The following BCAN variants were observed in gnomAD, a reference collection of about 807,000 sequenced individuals.
BCAN encodes the protein brevican core protein.
BCAN carries 51 observed loss-of-function variants against 92.4 expected under a neutral mutation model. That is an observed-to-expected ratio of 0.55 (90% CI 0.44 to 0.70). BCAN has a LOEUF of 0.70. Ranked by LOEUF, BCAN falls within the 30% of genes least tolerant of loss-of-function variation. The pLI is 0.00. For synonymous variants in BCAN, 501 were observed against 505.2 expected (o/e 0.99, Z 0.11); for missense variants, 1,140 against 1,212.1 (o/e 0.94, Z 0.88).
chr1:156,658,613 G>A lies in BCAN; in HGVS notation c.2508G>A (p.Val836=). The stretch of plus-strand genomic sequence containing the variant: ...GCCGCCCACGGCTGCGCTATGAGGT[G>A]GACACTGTGCTTCGCTACCGGTGCC... The part of the protein sequence containing the change: ...VFGRPRLRYE[V]DTVLRYRCRE... The change falls in exon 13 of 14, where the codon GTG becomes GTA. Residue 836 remains valine (V), a synonymous_variant. Coordinates refer to ENST00000329117, the MANE Select transcript of BCAN (RefSeq NM_021948.5). This position sits in a 1 kb window ranked among gnomAD's most constrained non-coding sequence, Gnocchi z 4.4. 1 of 1,614,104 alleles carries A rather than the reference G, an allele frequency of 6.2e-7. No homozygotes were observed. Among genetic ancestry groups the A allele is most frequent in the Non-Finnish European group, 8.5e-7 (1 of 1,180,040 alleles).
chr1:156,646,784 G>A lies in BCAN; in HGVS notation c.92-17G>A, dbSNP rs1163922297. 5 of 1,534,476 alleles carry A rather than the reference G, an allele frequency of 3.3e-6. No individual in the cohort carries two copies. Among genetic ancestry groups the A allele is most frequent in the Non-Finnish European group, 4.4e-6 (5 of 1,139,654 alleles). On this transcript the variant is annotated splice_polypyrimidine_tract_variant and intron_variant, in intron 2 of 13. Coordinates refer to ENST00000329117, the MANE Select transcript of BCAN (RefSeq NM_021948.5). ...GGTCGACAGCGTTAAGTTCCAGCCG[G>A]CTCCACCCGTTCACAGAGGACCGCG...
At position 156,647,755 on chromosome 1, in the gene BCAN, G is replaced by A; in HGVS notation, c.641+73G>A. 6.4e-7 allele frequency: 1 copy of A among 1,557,552 alleles called. No homozygotes were observed. The highest frequency in any genetic ancestry group is 1.2e-5 in the South Asian group (1 of 84,896). On this transcript the variant is annotated intron_variant, in intron 4 of 13. Transcript: ENST00000329117. The surrounding 1 kb of genome is among the most constrained non-coding windows in gnomAD (Gnocchi z 4.8). ...CATGGCCCCCCTTCTGCTGGGTGCT[G>A]CCTGCTGTGTCAGGCTGGACATGCA... is the stretch of plus-strand genomic sequence containing the variant.
In BCAN at chr1:156,647,930, C is replaced by A; in HGVS notation, c.642-53C>A. The A allele has an allele frequency of 6.2e-7, 1 of 1,607,988 alleles. No homozygotes were observed. The highest frequency in any genetic ancestry group is 1.7e-4 in the Middle Eastern group (1 of 6,050). ...TGGGGTTCAATAGAATCAATATGGG[C>A]TGGCTCCCTGGTGAAAGCATCTGTA... On this transcript the variant is annotated intron_variant, in intron 4 of 13. Transcript: ENST00000329117. This position sits in a 1 kb window ranked among gnomAD's most constrained non-coding sequence, Gnocchi z 4.8.
chr1:156,644,936 G>A (rs1004277008), intron 1 of BCAN: 2 of 152,250 alleles, frequency 1.3e-5, no homozygotes, highest in Non-Finnish European at 2.9e-5. Context: ...AACCCTTAAA[G>A]ATGATGTAGC....
rs770501027 is a variant in BCAN, at chr1:156,647,699, G to A, written c.641+17G>A. 4 of 1,570,046 alleles carry A rather than the reference G, an allele frequency of 2.5e-6. No homozygotes were observed. Among genetic ancestry groups the A allele is most frequent in the Non-Finnish European group, 3.5e-6 (4 of 1,156,226 alleles). On this transcript the variant is annotated intron_variant, in intron 4 of 13. Coordinates refer to ENST00000329117, the MANE Select transcript of BCAN (RefSeq NM_021948.5). The surrounding 1 kb of genome is among the most constrained non-coding windows in gnomAD (Gnocchi z 4.8). ...GACCGTGAGGTGGGCAGGGGCTGTG[G>A]ATTGGGGCTTCTATTGGCCCCTGAG...
chr1:156,656,899 G>A (rs560989231), intron 9 of BCAN, 39 bp from the exon 10 acceptor site: 7 of 1,602,136 alleles, frequency 4.4e-6, no homozygotes, highest in Non-Finnish European at 6.0e-6. Context: ...GGCCCTCTGG[G>A]TTTTGGGGCC....
At chr1:156,657,217 C>A in intron 10 of BCAN, 121 bp downstream of exon 10, 1 of 1,262,768 alleles carries the variant, frequency 7.9e-7, no homozygotes. Flanking sequence ...GCGTGCATTC[C>A]CTCACTCATT....
In BCAN at chr1:156,647,083, G is replaced by A; in HGVS notation, c.374G>A (p.Ser125Asn). ...CTCACCGACGTCTCCCTGGCGCTGAGCGAGCTGCGCCCCAACGACTCAGGT... is the reference window on the plus strand; with the variant it reads ...CTCACCGACGTCTCCCTGGCGCTGAACGAGCTGCGCCCCAACGACTCAGGT... ...ASLTDVSLAL[S>N]ELRPNDSGIY... Residue 125 changes from serine (S) to asparagine (N), a missense_variant, in exon 3 of 14, where the codon AGC becomes AAC. Ser to Asn is a conservative substitution (Grantham distance 46). This residue lies in a region of BCAN where 286 missense variants were observed against 284.1 expected (regional missense o/e 1.01). Transcript: ENST00000329117. This position sits in a 1 kb window ranked among gnomAD's most constrained non-coding sequence, Gnocchi z 4.8. The A allele has an allele frequency of 6.2e-7, 1 of 1,609,400 alleles. No homozygotes were observed. The highest frequency in any genetic ancestry group is 8.5e-7 in the Non-Finnish European group (1 of 1,176,636).
At position 156,646,799 on chromosome 1, in the gene BCAN, A is replaced by G; in HGVS notation, c.92-2A>G. ...GTTCCAGCCGGCTCCACCCGTTCAC[A>G]GAGGACCGCGCTTTTCGCGTGCGCA... is the stretch of plus-strand genomic sequence containing the variant. On this transcript the variant is annotated splice_acceptor_variant, in intron 2 of 13. Coordinates refer to ENST00000329117, the MANE Select transcript of BCAN (RefSeq NM_021948.5). LOFTEE classifies it high-confidence loss of function. The G allele has an allele frequency of 6.4e-7, 1 of 1,551,904 alleles. No homozygotes were observed. Among genetic ancestry groups the G allele is most frequent in the Non-Finnish European group, 8.7e-7 (1 of 1,148,672 alleles).
intron 1 of BCAN, chr1:156,643,140 T>C (rs3795736): frequency 0.26 from 38,971 of 152,130 alleles, 5,630 homozygotes; most frequent in South Asian, 0.57. Context: ...TTACTTAGAT[T>C]GCAGATGATG....
chr1:156,646,456 G>T, intron 2 of BCAN: 1 of 496,348 alleles, frequency 2.0e-6, no homozygotes, highest in Non-Finnish European at 3.5e-6. Context: ...GGAGCAGACT[G>T]GGAAACTGGG....
In BCAN at chr1:156,652,590, G is replaced by A; in HGVS notation, c.1640G>A (p.Arg547Lys). 2 of 1,614,132 alleles carry A rather than the reference G, an allele frequency of 1.2e-6. No homozygotes were observed. The highest frequency in any genetic ancestry group is 1.7e-6 in the Non-Finnish European group (2 of 1,179,988). Reference sequence around the variant, plus strand: ...CCTACTGAGACTCTGCCCACTCCCAGGGAGAGGAACCTAGCATCCCCATCA... The same window carrying A: ...CCTACTGAGACTCTGCCCACTCCCAAGGAGAGGAACCTAGCATCCCCATCA... ...GPPTETLPTP[R>K]ERNLASPSPS... Residue 547 changes from arginine (R) to lysine (K), a missense_variant, in exon 8 of 14, where the codon AGG becomes AAG. Arg to Lys is a conservative substitution (Grantham distance 26, BLOSUM62 2). Coordinates refer to ENST00000329117, the MANE Select transcript of BCAN (RefSeq NM_021948.5).
At chr1:156,645,820 G>T (rs1417245085) in intron 1 of BCAN, among the ~76,000 whole-genome samples, 5 of 152,192 alleles carry the variant, frequency 3.3e-5, no homozygotes, top group Admixed American at 3.3e-4. Context: ...AAGGTAAGGA[G>T]CTTGGCTTAG....
chr1:156,645,949 C>T lies in BCAN; in HGVS notation c.-8-98C>T, dbSNP rs980325118. On this transcript the variant is annotated intron_variant, in intron 1 of 13. Coordinates refer to ENST00000329117, the MANE Select transcript of BCAN (RefSeq NM_021948.5). ...ATGTGAAGGTAGGGGACTTCTGGAG[C>T]CAGGATATGTGTGAACCCACATGGG... The T allele has an allele frequency of 2.5e-5, 24 of 971,702 alleles. No homozygotes were observed. The African/African-American group carries it at 3.8e-4, about 15-fold the overall frequency. The allele number at this position is 971,702 out of a possible 1,614,324, so 60.2% of individuals were successfully genotyped here.
In BCAN at chr1:156,657,722, G is replaced by A; in HGVS notation, c.2257G>A (p.Glu753Lys). The change falls in exon 11 of 14, where the codon GAA becomes AAA. Residue 753 changes from glutamate to lysine, a missense_variant. Around this residue, in one of 3 missense-constraint regions of BCAN, gnomAD observed 825 missense variants for 871.8 expected, o/e 0.95. Transcript: ENST00000329117. ...GATCGGACTCAACGACAGGACCATCGAAGGCGACTTCTTGTGGTCGGATGG... is the reference window on the plus strand; with the variant it reads ...GATCGGACTCAACGACAGGACCATCAAAGGCGACTTCTTGTGGTCGGATGG... ...QWIGLNDRTIEGDFLWSDGVP... is the reference protein window; with the variant it reads ...QWIGLNDRTIKGDFLWSDGVP... The A allele has an allele frequency of 6.2e-7, 1 of 1,612,578 alleles. No homozygotes were observed.
chr1:156,646,138 C>T lies in BCAN; in HGVS notation c.84C>T (p.Asp28=), dbSNP rs776608754. The T allele has an allele frequency of 2.5e-6, 4 of 1,613,584 alleles. No homozygotes were observed. The highest frequency in any genetic ancestry group is 3.4e-6 in the Non-Finnish European group (4 of 1,179,570). Residue 28 remains aspartate (D), a synonymous_variant, in exon 2 of 14, where the codon GAC becomes GAT. Transcript: ENST00000329117. The part of the protein sequence containing the change: ...PAALADVLEG[D]SSEDRAFRVR... Reference sequence around the variant, plus strand: ...CTTTAGCAGATGTTCTGGAAGGAGACAGCTCAGGTAAGCAACCCCACTTGG... The same window carrying T: ...CTTTAGCAGATGTTCTGGAAGGAGATAGCTCAGGTAAGCAACCCCACTTGG...
rs951963 is a variant in BCAN, at chr1:156,658,951, A to G, written c.2629-76A>G. 3.3e-3 allele frequency: 4,657 copies of G among 1,420,642 alleles called. 157 individuals are homozygous for G. The African/African-American group carries it at 0.059, about 18-fold the overall frequency. The allele number at this position is 1,420,642 out of a possible 1,614,324, so 88.0% of individuals were successfully genotyped here. A position where few individuals can be genotyped will look rare whatever the true frequency, so the allele number is the denominator to read the frequency against. On this transcript the variant is annotated intron_variant, in intron 13 of 13. Transcript: ENST00000329117. The surrounding 1 kb of genome is among the most constrained non-coding windows in gnomAD (Gnocchi z 4.4). ...CATTCTGGGCTCTTACGGGCTGAGC[A>G]AGAACATCAGAGGGCAGGCTCTGAG...
chr1:156,656,518 A>G (rs1233052735), intron 9 of BCAN, 129 bp downstream of exon 9: 1 of 699,476 alleles, frequency 1.4e-6, no homozygotes, highest in Non-Finnish European at 2.1e-6. Context: ...GGCAAGTTGC[A>G]TAACTTCTTT....
Position 156,652,661 on chromosome 1 carries a change from G to C in BCAN, c.1711G>C (p.Gly571Arg). 1 of 1,613,490 alleles carries C rather than the reference G, an allele frequency of 6.2e-7. No homozygotes were observed. Among genetic ancestry groups the C allele is most frequent in the Admixed American group, 1.7e-5 (1 of 59,980 alleles). The change falls in exon 8 of 14, where the codon GGT (glycine) becomes CGT (arginine). Residue 571 changes from glycine to arginine, a missense_variant. Physicochemically the swap from Gly to Arg is moderately radical, Grantham distance 125. Around this residue, in one of 3 missense-constraint regions of BCAN, gnomAD observed 825 missense variants for 871.8 expected, o/e 0.95. Transcript: ENST00000329117. ...AAGAGAGGTGGGGGAGGCAACTGGT[G>C]GTCCTGAGCTATCTGGGGTCCCTCG... ...EAREVGEATG[G>R]PELSGVPRGE...
Sources: gnomAD v4.1 joint callset for allele counts (sites outside exome capture counted in the v4.1 genomes callset) on GRCh38, gnomAD v4.1.1 for gene constraint, gnomAD v4.1.1 regional missense constraint, Gnocchi (gnomAD v3.1) non-coding constraint, MANE v1.5 for transcripts, NCBI Gene and HGNC (gene_info 2026-07-23, HGNC 2026-07-21) for gene names.